Variants in SORCS1 observed in about 807,000 individuals in gnomAD.
SORCS1 encodes the protein sortilin related VPS10 domain containing receptor 1, also known as VPS10 domain-containing receptor SorCS1.
In SORCS1, 60 loss-of-function variants were observed where a neutral mutation model predicts 146.1. That is an observed-to-expected ratio of 0.41 (90% CI 0.33 to 0.51). The LOEUF (loss-of-function observed/expected upper bound fraction) is 0.51. Ranked by LOEUF, SORCS1 falls within the 20% of genes least tolerant of loss-of-function variation. The pLI is 0.21. For synonymous variants in SORCS1, 637 were observed against 584.0 expected (o/e 1.09, Z -1.31); for missense variants, 1,352 against 1,487.6 (o/e 0.91, Z 1.50).
intron 6 of SORCS1, among the ~76,000 whole-genome samples, chr10:106,727,970 T>C (rs1468788638): frequency 6.6e-6 from 1 of 152,134 alleles, no homozygotes; most frequent in African/African-American, 2.4e-5. Flanking sequence ...AGACACAAGT[T>C]ATGCTGGAGC....
At chr10:106,965,501 T>C (rs1263928299) in intron 1 of SORCS1, among the ~76,000 whole-genome samples, 2 of 152,194 alleles carry the variant, frequency 1.3e-5, no homozygotes, top group African/African-American at 4.8e-5. Context: ...TGATTTTCAG[T>C]AAGTCGCCTG....
rs531690665 is a variant in SORCS1, at chr10:106,686,890, A to T, written c.1560+1302T>A. Among the ~76,000 whole-genome samples the T allele has an allele frequency of 2.0e-5, 3 of 152,336 alleles. No individual in the cohort carries two copies. The East Asian group carries it at 5.8e-4, about 29-fold the overall frequency. The stretch of plus-strand genomic sequence containing the variant: ...TTATGGGATGGAAGGAAGCAAGCTG[A>T]GTGCGGATAACATCAAAGTCAGAAC... On this transcript the variant is annotated intron_variant, in intron 10 of 25. Coordinates refer to ENST00000263054, the MANE Select transcript of SORCS1 (RefSeq NM_052918.5).
At chr10:106,651,388 G>A (rs1395982791) in intron 18 of SORCS1, among the ~76,000 whole-genome samples, 2 of 152,194 alleles carry the variant, frequency 1.3e-5, no homozygotes, top group East Asian at 3.9e-4. Context: ...CACAACCTGT[G>A]AACTTGTTAG....
At chr10:106,930,165 C>T (rs144009204) in intron 2 of SORCS1, among the ~76,000 whole-genome samples, 3,873 of 152,156 alleles carry the variant, frequency 0.025, 119 homozygotes, top group South Asian at 0.11. Context: ...GCCTGCAGTC[C>T]CAGCTACTTG....
chr10:106,579,600 A>G, intron 24 of SORCS1, 126 bp from the exon 25 acceptor site: 1 of 899,700 alleles, frequency 1.1e-6, no homozygotes, highest in Non-Finnish European at 1.7e-6. Flanking sequence ...ATATACACAC[A>G]AGATGCATGT....
chr10:107,134,560 AC>A (rs1967121422), intron 1 of SORCS1, among the ~76,000 whole-genome samples: 1 of 151,994 alleles, frequency 6.6e-6, no homozygotes. Flanking sequence ...AATGGCTTGA[AC>A]CTGGGAGGCG....
At chr10:106,778,664 A>C (rs1156711049) in intron 3 of SORCS1, among the ~76,000 whole-genome samples, 3 of 152,192 alleles carry the variant, frequency 2.0e-5, no homozygotes, top group African/African-American at 7.2e-5. Context: ...TCCAATCACA[A>C]TTAACAATAA....
intron 1 of SORCS1, among the ~76,000 whole-genome samples, chr10:107,066,055 C>T (rs760766326): frequency 5.3e-5 from 8 of 152,156 alleles, no homozygotes; most frequent in Non-Finnish European, 1.2e-4. Context: ...TCAGTCTCTA[C>T]AGAGACTGAA....
At chr10:106,704,395 A>C (rs1020958726) in intron 8 of SORCS1, among the ~76,000 whole-genome samples, 7 of 152,194 alleles carry the variant, frequency 4.6e-5, no homozygotes, top group African/African-American at 1.4e-4. Context: ...TATGTCACTT[A>C]ACGAGTTTAT....
At chr10:106,985,710 T>C (rs1740237180) in intron 1 of SORCS1, among the ~76,000 whole-genome samples, 2 of 152,010 alleles carry the variant, frequency 1.3e-5, no homozygotes, top group Admixed American at 1.3e-4. Context: ...CCAATTTTTG[T>C]ATTTTTAGTA....
intron 6 of SORCS1, among the ~76,000 whole-genome samples, chr10:106,727,798 T>G (rs1856310567): frequency 6.6e-6 from 1 of 152,142 alleles, no homozygotes; most frequent in Admixed American, 6.6e-5. Context: ...GGTCAGGGTA[T>G]GGGCAAGAAA....
At chr10:107,173,575 C>T in the SORCS1 span, among the ~76,000 whole-genome samples, 1 of 152,124 alleles carries the variant, frequency 6.6e-6, no homozygotes, top group East Asian at 1.9e-4. Flanking sequence ...TTATCAATTA[C>T]TTCAAACCTT....
chr10:106,789,842 T>C (rs1262173963), intron 3 of SORCS1, among the ~76,000 whole-genome samples: 1 of 152,230 alleles, frequency 6.6e-6, no homozygotes, highest in Non-Finnish European at 1.5e-5. Context: ...TTAGGTAATT[T>C]ATAAAGCAAA....
chr10:107,039,332 GAAAAAA>G (rs58915918), intron 1 of SORCS1, among the ~76,000 whole-genome samples: 6 of 109,940 alleles, frequency 5.5e-5, no homozygotes, highest in African/African-American at 2.2e-4. Context: ...CTCAAATAAA[GAAAAAA>G]AAAAAAAAAA....
intron 2 of SORCS1, among the ~76,000 whole-genome samples, chr10:106,926,195 G>A (rs1347416057): frequency 6.6e-6 from 1 of 152,082 alleles, no homozygotes; most frequent in African/African-American, 2.4e-5. Flanking sequence ...GGTAATGAAA[G>A]AATAGAAATG....
At chr10:106,787,321 A>C (rs1317320306) in intron 3 of SORCS1, among the ~76,000 whole-genome samples, 1 of 152,180 alleles carries the variant, frequency 6.6e-6, no homozygotes, top group Admixed American at 6.5e-5. Flanking sequence ...AATAAACCTA[A>C]TGATTTTCAG....
intron 1 of SORCS1, among the ~76,000 whole-genome samples, chr10:107,082,450 T>C (rs956665391): frequency 1.3e-5 from 2 of 152,082 alleles, no homozygotes; most frequent in African/African-American, 4.8e-5. Flanking sequence ...TCCGAAGAAG[T>C]GGTGCTTCTC....
chr10:106,944,917 G>A (rs114935378), intron 2 of SORCS1, among the ~76,000 whole-genome samples: 5,598 of 76,904 alleles, frequency 0.073, 413 homozygotes, highest in African/African-American at 0.19. Context: ...ATGGAGTCTC[G>A]CTCTGTCACT....
At chr10:107,061,879 A>T (rs1961265898) in intron 1 of SORCS1, among the ~76,000 whole-genome samples, 1 of 152,214 alleles carries the variant, frequency 6.6e-6, no homozygotes, top group Non-Finnish European at 1.5e-5. Context: ...GAATAAGGTT[A>T]AGTGAATAAT....
Sources: gnomAD v4.1 joint callset for allele counts (sites outside exome capture counted in the v4.1 genomes callset) on GRCh38, gnomAD v4.1.1 for gene constraint, MANE v1.5 for transcripts, NCBI Gene and HGNC (gene_info 2026-07-23, HGNC 2026-07-21) for gene names.